TRIM5: variants seen among roughly 807,000 people sequenced by gnomAD.
The protein encoded by TRIM5 is tripartite motif containing 5.
A neutral mutation model predicts 35.6 loss-of-function variants in TRIM5; 31 were observed. The ratio of observed to expected loss-of-function variants is 0.87; its 90% CI spans 0.65 to 1.18. The LOEUF (loss-of-function observed/expected upper bound fraction) is 1.18. Ranked by LOEUF, TRIM5 falls within the 50% of genes most tolerant of loss-of-function variation. TRIM5 has a pLI of 0.00. For missense variants in TRIM5, 609 were observed against 591.6 expected (o/e 1.03, Z -0.31); for synonymous variants, 243 against 215.6 (o/e 1.13, Z -1.11).
chr11:5,601,616 G>A, the TRIM5 span, among the ~76,000 whole-genome samples: 1 of 152,064 alleles, frequency 6.6e-6, no homozygotes, highest in Non-Finnish European at 1.5e-5. Flanking sequence ...AAATTAGCTG[G>A]GCATGGTGGC....
chr11:5,632,595 A>G, the TRIM5 span: 7 of 1,613,776 alleles, frequency 4.3e-6, no homozygotes, highest in Non-Finnish European at 4.2e-6. Context: ...AGTTGAGCCC[A>G]GACAATGGGA....
the TRIM5 span, chr11:5,611,506 T>G: frequency 1.5e-6 from 1 of 653,296 alleles, no homozygotes; most frequent in South Asian, 2.0e-5. Flanking sequence ...CAGGCTGGAG[T>G]GCACTGGCGC....
At chr11:5,642,781 T>C in the TRIM5 span, 1 of 1,613,688 alleles carries the variant, frequency 6.2e-7, no homozygotes, top group South Asian at 1.1e-5. Flanking sequence ...ACTCCTTTGT[T>C]TCTAATCAGC....
intron 4 of TRIM5, among the ~76,000 whole-genome samples, chr11:5,668,902 A>G (rs1851346215): frequency 6.6e-6 from 1 of 152,180 alleles, no homozygotes; most frequent in African/African-American, 2.4e-5. Context: ...TAATACATTC[A>G]GTAGTGAAGG....
chr11:5,646,774 C>T, the TRIM5 span, among the ~76,000 whole-genome samples: 1 of 152,148 alleles, frequency 6.6e-6, no homozygotes, highest in African/African-American at 2.4e-5. Context: ...GACCCTAGAA[C>T]CAGACAAAAT....
the TRIM5 span, among the ~76,000 whole-genome samples, chr11:5,601,583 C>T: frequency 6.6e-6 from 1 of 152,074 alleles, no homozygotes; most frequent in Non-Finnish European, 1.5e-5. Flanking sequence ...CATGGTAAAA[C>T]CCTGTCTCTA....
At chr11:5,596,688 C>A in the TRIM5 span, 1 of 705,474 alleles carries the variant, frequency 1.4e-6, no homozygotes, top group Non-Finnish European at 2.3e-6. Context: ...GTGGGTCCGT[C>A]CGTTCAACGG....
the TRIM5 span, among the ~76,000 whole-genome samples, chr11:5,634,467 A>G: frequency 2.7e-5 from 4 of 145,986 alleles, no homozygotes; most frequent in Non-Finnish European, 4.5e-5. Context: ...AGATAATACA[A>G]ATATATATAT....
chr11:5,631,449 C>T, the TRIM5 span, among the ~76,000 whole-genome samples: 1 of 152,142 alleles, frequency 6.6e-6, no homozygotes, highest in Non-Finnish European at 1.5e-5. Flanking sequence ...ATTTATTCAT[C>T]TGAAGAAAGG....
the TRIM5 span, among the ~76,000 whole-genome samples, chr11:5,627,774 T>C: frequency 6.6e-6 from 1 of 152,164 alleles, no homozygotes; most frequent in Non-Finnish European, 1.5e-5. Flanking sequence ...GGCTCTACTT[T>C]CCTTATTGGC....
chr11:5,684,326 C>G (rs1852845371), intron 1 of TRIM5, among the ~76,000 whole-genome samples: 1 of 152,196 alleles, frequency 6.6e-6, no homozygotes, highest in East Asian at 1.9e-4. Context: ...AGAAGGAGCT[C>G]TCTTACTCTC....
chr11:5,676,440 C>T (rs1851988939), intron 4 of TRIM5, among the ~76,000 whole-genome samples: 1 of 152,134 alleles, frequency 6.6e-6, no homozygotes, highest in Non-Finnish European at 1.5e-5. Flanking sequence ...CAAACCACTA[C>T]TCAAGGAAAT....
the TRIM5 span, among the ~76,000 whole-genome samples, chr11:5,636,922 G>T: frequency 6.6e-6 from 1 of 152,160 alleles, no homozygotes; most frequent in Non-Finnish European, 1.5e-5. Context: ...CGAGGTGGGT[G>T]GATCACGAGG....
chr11:5,626,936 G>A, the TRIM5 span: 1 of 152,492 alleles, frequency 6.6e-6, no homozygotes, highest in African/African-American at 2.4e-5. Context: ...GGGAAGGCAT[G>A]TGTGATGTGG....
chr11:5,604,522 G>T, the TRIM5 span: 1 of 1,607,786 alleles, frequency 6.2e-7, no homozygotes, highest in Non-Finnish European at 8.5e-7. Flanking sequence ...GACCTGATTT[G>T]TTTTCTTCAA....
chr11:5,606,942 G>A, the TRIM5 span, among the ~76,000 whole-genome samples: 2 of 152,178 alleles, frequency 1.3e-5, no homozygotes, highest in South Asian at 4.1e-4. Context: ...GGTGGCTCAC[G>A]CCTGTAATCC....
At chr11:5,647,025 G>A in the TRIM5 span, among the ~76,000 whole-genome samples, 2 of 152,218 alleles carry the variant, frequency 1.3e-5, no homozygotes. Flanking sequence ...TTACCAGAAA[G>A]ATGGTTAGAC....
At chr11:5,611,086 T>C in the TRIM5 span, 7 of 1,614,184 alleles carry the variant, frequency 4.3e-6, no homozygotes, top group African/African-American at 1.3e-5. Context: ...TACTGGGTGA[T>C]TGGGTTACAG....
At chr11:5,666,508 G>C (rs139889211) in intron 5 of TRIM5, among the ~76,000 whole-genome samples, 2 of 152,326 alleles carry the variant, frequency 1.3e-5, no homozygotes, top group African/African-American at 2.4e-5. Context: ...TGGTTAGAAA[G>C]TGAGGTTGCA....
Sources: allele counts gnomAD v4.1 joint callset (sites outside exome capture counted in the v4.1 genomes callset), GRCh38; gene constraint gnomAD v4.1.1; transcripts MANE v1.5; gene names NCBI Gene and HGNC (gene_info 2026-07-23, HGNC 2026-07-21).